The following CFAP206 variants were observed in gnomAD, a reference collection of about 807,000 sequenced individuals.
CFAP206 encodes the protein cilia- and flagella-associated protein 206.
CFAP206 carries 53 observed loss-of-function variants against 65.4 expected under a neutral mutation model. The observed-to-expected ratio is 0.81, with a 90% CI of 0.65 to 1.02. The LOEUF (loss-of-function observed/expected upper bound fraction) is 1.02. Ranked by LOEUF, CFAP206 falls within the 50% of genes least tolerant of loss-of-function variation. CFAP206 has a pLI of 0.00. For synonymous variants in CFAP206, 250 were observed against 254.4 expected (o/e 0.98, Z 0.17); for missense variants, 663 against 753.2 (o/e 0.88, Z 1.40).
chr6:87,408,639 G>T (rs1767672448), intron 1 of CFAP206: 1 of 152,260 alleles, frequency 6.6e-6, no homozygotes, highest in Non-Finnish European at 1.5e-5. Flanking sequence ...TGGCACTTGC[G>T]CATGCGCTGC....
intron 8 of CFAP206, among the ~76,000 whole-genome samples, chr6:87,428,339 G>A (rs966650628): frequency 2.0e-5 from 3 of 151,042 alleles, no homozygotes; most frequent in African/African-American, 7.3e-5. Flanking sequence ...TTGAGGTGAA[G>A]AGTCCATAAA....
In CFAP206 at chr6:87,461,085, A is replaced by G. The variant is rs2127958101; in HGVS notation, c.1558A>G (p.Asn520Asp). Residue 520 changes from asparagine to aspartate, a missense_variant, in exon 12 of 13, where the codon AAT becomes GAT. Physicochemically the swap from Asn to Asp is conservative, Grantham distance 23. Coordinates refer to ENST00000369562, the MANE Select transcript of CFAP206 (RefSeq NM_001031743.3). Reference sequence around the variant, plus strand: ...AAAATGTGAAAGTAGCACACAGACGAATACACACATACTGCCACCAACGAT... The same window carrying G: ...AAAATGTGAAAGTAGCACACAGACGGATACACACATACTGCCACCAACGAT... ...ITKCESSTQT[N>D]THILPPTIVR... 1 of 1,595,798 alleles carries G rather than the reference A, an allele frequency of 6.3e-7. No individual in the cohort carries two copies. Among genetic ancestry groups the G allele is most frequent in the Non-Finnish European group, 8.5e-7 (1 of 1,173,840 alleles).
At chr6:87,459,034 CTGA>C (rs745529989) in intron 11 of CFAP206, among the ~76,000 whole-genome samples, 43 of 151,986 alleles carry the variant, frequency 2.8e-4, no homozygotes, top group Non-Finnish European at 5.0e-4. Flanking sequence ...GTTCCTGGAG[CTGA>C]TAATTCATTT....
At chr6:87,462,213 TGTCCATTTGTATATTCA>T (rs980246413) in intron 12 of CFAP206, among the ~76,000 whole-genome samples, 2 of 152,228 alleles carry the variant, frequency 1.3e-5, no homozygotes, top group African/African-American at 2.4e-5. Context: ...GTCTAGCCTT[TGTCCATTTGTATATTCA>T]GTCCATTTGT....
At chr6:87,422,914 G>C (rs1767969398) in intron 7 of CFAP206, among the ~76,000 whole-genome samples, 1 of 152,062 alleles carries the variant, frequency 6.6e-6, no homozygotes, top group African/African-American at 2.4e-5. Flanking sequence ...GCTTGGGGGA[G>C]GGGTCTAGAG....
At chr6:87,421,117 T>C (rs1189314668) in intron 7 of CFAP206, among the ~76,000 whole-genome samples, 1 of 152,244 alleles carries the variant, frequency 6.6e-6, no homozygotes, top group Non-Finnish European at 1.5e-5. Context: ...TTTGAACTAA[T>C]TAAAAATTTT....
intron 5 of CFAP206, among the ~76,000 whole-genome samples, chr6:87,416,089 T>G (rs1226464870): frequency 6.6e-6 from 1 of 152,128 alleles, no homozygotes. Context: ...AGTGAAATAT[T>G]GCTAATTTTC....
chr6:87,460,674 G>A (rs116043701), intron 11 of CFAP206, among the ~76,000 whole-genome samples: 2,353 of 152,088 alleles, frequency 0.015, 58 homozygotes, highest in African/African-American at 0.053. Context: ...GAACTAGTGG[G>A]TACTGTGGTC....
intron 8 of CFAP206, 133 bp from the exon 9 acceptor site, chr6:87,428,493 C>A: frequency 2.7e-6 from 2 of 741,376 alleles, no homozygotes; most frequent in Admixed American, 2.4e-5. Flanking sequence ...AGTCTACTGT[C>A]TAAGTTCGTA....
At chr6:87,457,994 C>A (rs1334550399) in intron 11 of CFAP206, among the ~76,000 whole-genome samples, 2 of 151,890 alleles carry the variant, frequency 1.3e-5, no homozygotes, top group African/African-American at 4.8e-5. Context: ...AGTAATCCAA[C>A]TGAAAAATGG....
At chr6:87,454,844 C>CA (rs200119526) in intron 11 of CFAP206, among the ~76,000 whole-genome samples, 1,760 of 89,534 alleles carry the variant, frequency 0.02, 42 homozygotes, top group South Asian at 0.033. Context: ...GACTCTGTCT[C>CA]AAAAAAAAAA....
intron 11 of CFAP206, among the ~76,000 whole-genome samples, chr6:87,460,732 CA>C (rs1253266528): frequency 2.0e-5 from 3 of 151,848 alleles, no homozygotes; most frequent in Non-Finnish European, 4.4e-5. Flanking sequence ...CAGCATTGTG[CA>C]ATATACCCTT....
intron 11 of CFAP206, among the ~76,000 whole-genome samples, chr6:87,445,712 G>A (rs1768431012): frequency 6.6e-6 from 1 of 152,068 alleles, no homozygotes; most frequent in Non-Finnish European, 1.5e-5. Flanking sequence ...ATTCCTTTGG[G>A]TATATACCCA....
chr6:87,449,083 C>T (rs1582149133), intron 11 of CFAP206, among the ~76,000 whole-genome samples: 1 of 152,088 alleles, frequency 6.6e-6, no homozygotes, highest in African/African-American at 2.4e-5. Context: ...AGCCTTCATA[C>T]TATTTTCCAT....
intron 6 of CFAP206, among the ~76,000 whole-genome samples, chr6:87,417,909 T>G (rs990237463): frequency 2.0e-5 from 3 of 151,950 alleles, no homozygotes; most frequent in Admixed American, 2.0e-4. Flanking sequence ...TCAGCTAATT[T>G]TTGTGTTTTT....
chr6:87,463,871 C>T, intron 12 of CFAP206, 149 bp from the exon 13 acceptor site: 7 of 509,636 alleles, frequency 1.4e-5, no homozygotes, highest in East Asian at 6.1e-5. Flanking sequence ...CTAGATTTTC[C>T]AATGTTTTAT....
chr6:87,448,629 C>G (rs945557353), intron 11 of CFAP206, among the ~76,000 whole-genome samples: 1 of 152,082 alleles, frequency 6.6e-6, no homozygotes, highest in Non-Finnish European at 1.5e-5. Context: ...GTAATTTTGT[C>G]CCCATTAGCT....
chr6:87,413,880 A>G lies in CFAP206; in HGVS notation c.263A>G (p.Asp88Gly). The G allele has an allele frequency of 1.9e-6, 3 of 1,546,564 alleles. No homozygotes were observed. The highest frequency in any genetic ancestry group is 2.2e-5 in the Admixed American group (1 of 45,008). Residue 88 changes from aspartate to glycine, a missense_variant, in exon 4 of 13, where the codon GAT becomes GGT. Coordinates refer to ENST00000369562, the MANE Select transcript of CFAP206 (RefSeq NM_001031743.3). ...ACTATTAAGATGCAAGTCTACTTCGATATGAATTATACGAATCGAGGTAAT... is the reference window on the plus strand; with the variant it reads ...ACTATTAAGATGCAAGTCTACTTCGGTATGAATTATACGAATCGAGGTAAT... ...LDTIKMQVYF[D>G]MNYTNRVEFL...
chr6:87,445,866 G>T (rs1478861017), intron 11 of CFAP206, among the ~76,000 whole-genome samples: 1 of 152,122 alleles, frequency 6.6e-6, no homozygotes, highest in East Asian at 1.9e-4. Flanking sequence ...ACCAGCATCT[G>T]TTGTTTCTTC....
Sources: allele counts gnomAD v4.1 joint callset (sites outside exome capture counted in the v4.1 genomes callset), GRCh38; gene constraint gnomAD v4.1.1; transcripts MANE v1.5; gene names NCBI Gene and HGNC (gene_info 2026-07-23, HGNC 2026-07-21).